Variants in PRKCZ observed in about 807,000 individuals in gnomAD.
PRKCZ encodes the protein protein kinase C zeta type.
PRKCZ carries 33 observed loss-of-function variants against 79.5 expected under a neutral mutation model. The ratio of observed to expected loss-of-function variants is 0.41; its 90% confidence interval spans 0.31 to 0.55. The LOEUF is 0.55. PRKCZ is among the 20% of genes least tolerant of loss of function. The pLI, the probability that PRKCZ is intolerant of heterozygous loss-of-function variation, is 0.19. For missense variants in PRKCZ, 578 were observed against 813.5 expected, an observed-to-expected ratio of 0.71 and a Z score of 3.52; for synonymous variants, 342 against 320.9, an observed-to-expected ratio of 1.07 and a Z score of -0.70.
At chr1:2,147,547 C>G (rs1476211436) in intron 7 of PRKCZ, among the ~76,000 whole-genome samples, 1 of 149,946 alleles carries the variant, frequency 6.7e-6, no homozygotes, top group Non-Finnish European at 1.5e-5. Context: ...CCTCTCCACC[C>G]ATCTGTCTGT....
chr1:2,067,775 C>T (rs1393485708), intron 4 of PRKCZ, among the ~76,000 whole-genome samples: 4 of 152,222 alleles, frequency 2.6e-5, no homozygotes, highest in African/African-American at 7.2e-5. Context: ...TTCTTTGCCC[C>T]TCCTTGCTGT....
intron 4 of PRKCZ, chr1:2,074,094 A>T: frequency 1.3e-6 from 2 of 1,498,564 alleles, no homozygotes; most frequent in South Asian, 1.3e-5. Context: ...GGGCAGCAAC[A>T]CGGCTGGTGC....
chr1:2,066,211 A>C (rs1244161575), intron 4 of PRKCZ, among the ~76,000 whole-genome samples: 1 of 152,208 alleles, frequency 6.6e-6, no homozygotes, highest in East Asian at 1.9e-4. Context: ...TGCTGGCCTC[A>C]CAGGATGAGT....
intron 4 of PRKCZ, among the ~76,000 whole-genome samples, chr1:2,068,099 C>G (rs902954891): frequency 2.0e-5 from 3 of 152,262 alleles, no homozygotes; most frequent in Non-Finnish European, 2.9e-5. Flanking sequence ...CAGTACGTTC[C>G]TTGGGGCAGC....
chr1:2,074,147 T>C (rs1211949941), intron 4 of PRKCZ: 4 of 1,544,242 alleles, frequency 2.6e-6, no homozygotes, highest in African/African-American at 1.4e-5. Context: ...CTCCCAGCAA[T>C]GTCAGGGGAA....
intron 4 of PRKCZ, among the ~76,000 whole-genome samples, chr1:2,102,065 CT>C (rs561226698): frequency 6.6e-6 from 1 of 152,206 alleles, no homozygotes; most frequent in East Asian, 1.9e-4. Flanking sequence ...CCCCTGTCTC[CT>C]TTCCCCGGTC....
At chr1:2,154,152 G>T (rs989951171) in intron 9 of PRKCZ, among the ~76,000 whole-genome samples, 1 of 152,212 alleles carries the variant, frequency 6.6e-6, no homozygotes, top group South Asian at 2.1e-4. Flanking sequence ...CAGGTGAGGG[G>T]TGGAGGAGTC....
Position 2,065,400 on chromosome 1 carries a change from C to T in PRKCZ, c.334+5809C>T, listed in dbSNP as rs76400492. On this transcript the variant is annotated intron_variant, in intron 4 of 17. Transcript: ENST00000378567. Reference sequence around the variant, plus strand: ...GTTGAATAAAAGTGGTGTGATCGGCCGGGCGCGGTGGCTCACGCCTGTAAT... The same window carrying T: ...GTTGAATAAAAGTGGTGTGATCGGCTGGGCGCGGTGGCTCACGCCTGTAAT... Among the ~76,000 whole-genome samples the T allele has an allele frequency of 3.2e-3, 485 of 152,284 alleles. 24 individuals are homozygous for T. In the East Asian group the frequency reaches 0.077, roughly 24 times the overall value.
chr1:2,174,664 C>T lies in PRKCZ; in HGVS notation c.1406-90C>T. 7.2e-7 allele frequency: 1 copy of T among 1,397,770 alleles called. No homozygotes were observed. Among genetic ancestry groups the T allele is most frequent in the Non-Finnish European group, 1.0e-6 (1 of 1,001,764 alleles). 86.6% of individuals were successfully genotyped at this position (1,397,770 alleles called of 1,614,324 possible). Reference sequence around the variant, plus strand: ...GCTCCGGGGCCCCAAGGCTGAGCTCCCAAAGCTCTTGCTCAGAGTCAGAGT... The same window carrying T: ...GCTCCGGGGCCCCAAGGCTGAGCTCTCAAAGCTCTTGCTCAGAGTCAGAGT... On this transcript the variant is annotated intron_variant, in intron 14 of 17. Transcript: ENST00000378567. This position sits in a 1 kb window ranked among gnomAD's most constrained non-coding sequence, Gnocchi z 6.2.
intron 10 of PRKCZ, chr1:2,156,429 T>C (rs1681063953): frequency 4.1e-6 from 1 of 246,118 alleles, no homozygotes. Flanking sequence ...CTTCAAGCTT[T>C]ATATATACTG....
intron 10 of PRKCZ, among the ~76,000 whole-genome samples, chr1:2,163,175 C>T (rs1441471644): frequency 6.6e-6 from 1 of 152,236 alleles, no homozygotes; most frequent in African/African-American, 2.4e-5. Context: ...ACACTTTGCA[C>T]CGGAAGCGCA....
chr1:2,103,015 G>A (rs542265396), intron 4 of PRKCZ, among the ~76,000 whole-genome samples: 117 of 152,222 alleles, frequency 7.7e-4, no homozygotes, highest in East Asian at 2.3e-3. Flanking sequence ...GACTTCAGGC[G>A]CGCACCACCA....
intron 8 of PRKCZ, among the ~76,000 whole-genome samples, chr1:2,150,052 C>T (rs1224997930): frequency 2.0e-5 from 3 of 148,834 alleles, no homozygotes; most frequent in South Asian, 2.1e-4. Context: ...GTCCCAGCTA[C>T]TGGGGAGGCT....
At chr1:2,148,749 G>A (rs557874514) in intron 7 of PRKCZ, 123 bp from the exon 8 acceptor site, 2 of 929,496 alleles carry the variant, frequency 2.2e-6, no homozygotes, top group Admixed American at 2.3e-5. Context: ...ATCAGACATG[G>A]CTGCTGTGTG....
rs927033681 is a variant in PRKCZ at position 2,173,724 on chromosome 1, A to C, written c.1286-173A>C. ...ACGGTGGCAGGGAGGCCGAGCTGCC[A>C]GGTGGAGGTGCTGGTTCTGTTTGGG... On this transcript the variant is annotated intron_variant, in intron 13 of 17. Transcript: ENST00000378567. The surrounding 1 kb of genome is among the most constrained non-coding windows in gnomAD (Gnocchi z 5.7). Among the ~76,000 whole-genome samples the C allele has an allele frequency of 2.6e-5, 4 of 152,190 alleles. No individual in the cohort carries two copies. The highest frequency in any genetic ancestry group is 6.5e-5 in the Admixed American group (1 of 15,278).
In PRKCZ at chr1:2,177,391, G is replaced by A. The variant is rs112425611; in HGVS notation, c.1575+2078G>A. Among the ~76,000 whole-genome samples, 952 of 152,180 alleles carry A rather than the reference G, an allele frequency of 6.3e-3. 4 individuals carry two copies. The highest frequency in any genetic ancestry group is 0.021 in the African/African-American group (871 of 41,508). ...CCCTCTCTCTTCCAAGCCCACCACC[G>A]TATGGGGCCCACCAGCACCATGGGA... is the stretch of plus-strand genomic sequence containing the variant. On this transcript the variant is annotated intron_variant, in intron 16 of 17. Coordinates refer to ENST00000378567, the MANE Select transcript of PRKCZ (RefSeq NM_002744.6). This position sits in a 1 kb window ranked among gnomAD's most constrained non-coding sequence, Gnocchi z 6.4.
intron 4 of PRKCZ, among the ~76,000 whole-genome samples, chr1:2,119,226 T>C (rs1399272676): frequency 6.7e-6 from 1 of 149,618 alleles, no homozygotes; most frequent in Non-Finnish European, 1.5e-5. Flanking sequence ...TTTTTTTTTT[T>C]TTTTTGAGAT....
rs1456399059 is a variant in PRKCZ, at chr1:2,125,750, A to G, written c.335-9512A>G. ...GGGCAGCGCCAGGTTTCCCAATCAGATTTGCTCAGGGTCCCTCCAGCAGTC... is the reference window on the plus strand; with the variant it reads ...GGGCAGCGCCAGGTTTCCCAATCAGGTTTGCTCAGGGTCCCTCCAGCAGTC... On this transcript the variant is annotated intron_variant, in intron 4 of 17. Transcript: ENST00000378567. This position sits in a 1 kb window ranked among gnomAD's most constrained non-coding sequence, Gnocchi z 4.2. Among the ~76,000 whole-genome samples, 1 of 152,166 alleles carries G rather than the reference A, an allele frequency of 6.6e-6. No homozygotes were observed. The highest frequency in any genetic ancestry group is 2.4e-5 in the African/African-American group (1 of 41,438).
intron 5 of PRKCZ, among the ~76,000 whole-genome samples, chr1:2,139,535 G>A (rs1431241788): frequency 2.6e-5 from 4 of 152,302 alleles, no homozygotes; most frequent in South Asian, 4.1e-4. Flanking sequence ...GTTGTAGTGA[G>A]CCGAGATGGC....
Sources: allele counts gnomAD v4.1 joint callset (sites outside exome capture counted in the v4.1 genomes callset), GRCh38; gene constraint gnomAD v4.1.1; non-coding constraint Gnocchi (gnomAD v3.1); transcripts MANE v1.5; gene names NCBI Gene and HGNC (gene_info 2026-07-23, HGNC 2026-07-21).